The following RAB27A variants were observed in gnomAD, a reference collection of about 807,000 sequenced individuals.
RAB27A encodes RAB27A, member RAS oncogene family.
Under a neutral mutation model 20.8 loss-of-function variants are expected in RAB27A, and 17 were observed. The ratio of observed to expected loss-of-function variants is 0.82; its 90% CI spans 0.56 to 1.23. RAB27A has a LOEUF of 1.23. RAB27A is among the 50% of genes most tolerant of loss of function. The probability of loss-of-function intolerance (pLI) is 0.00; values close to 1 mark genes in which losing one functional copy is unlikely to be tolerated. For synonymous variants in RAB27A, 85 were observed against 92.8 expected (o/e 0.92, Z 0.48); for missense variants, 277 against 266.7 (o/e 1.04, Z -0.27).
Position 55,261,639 on chromosome 15 carries a change from G to A in RAB27A, c.-23+8526C>T, listed in dbSNP as rs183730294. 9.0e-5 allele frequency among the ~76,000 whole-genome samples: 13 copies of A among 144,106 alleles called. No individual in the cohort carries two copies. The East Asian group carries it at 2.7e-3, about 30-fold the overall frequency. 94.5% of individuals were successfully genotyped at this position (144,106 alleles called of 152,430 possible). On this transcript the variant is annotated intron_variant, in intron 2 of 6. Transcript: ENST00000336787. The stretch of plus-strand genomic sequence containing the variant: ...GCCCGTAGTCCCAGCTACTTGGGAG[G>A]CTAAGGTAGAAGAATAGCTTGAACC...
intron 2 of RAB27A, among the ~76,000 whole-genome samples, chr15:55,266,769 A>G (rs1170436328): frequency 6.6e-6 from 1 of 152,228 alleles, no homozygotes; most frequent in East Asian, 1.9e-4. Context: ...AAATGGCAGA[A>G]CCAAGATGTG....
intron 2 of RAB27A, among the ~76,000 whole-genome samples, chr15:55,310,052 T>G (rs1321841705): frequency 6.6e-6 from 1 of 151,994 alleles, no homozygotes; most frequent in Admixed American, 6.6e-5. Flanking sequence ...GGGTGTTCCT[T>G]CTCCTATGTT....
intron 1 of RAB27A, among the ~76,000 whole-genome samples, chr15:55,274,794 T>TATATATATA (rs1897805753): frequency 5.8e-5 from 3 of 52,172 alleles, no homozygotes; most frequent in Non-Finnish European, 1.3e-4. Flanking sequence ...AATAAATAAA[T>TATATATATA]TATATATATA....
chr15:55,240,637 G>A (rs1160768956), intron 2 of RAB27A, among the ~76,000 whole-genome samples: 1 of 152,118 alleles, frequency 6.6e-6, no homozygotes, highest in Non-Finnish European at 1.5e-5. Flanking sequence ...GTTAAAGGCA[G>A]AAACTCTACA....
At chr15:55,270,990 A>C (rs1897689183) in intron 1 of RAB27A, 1 of 152,126 alleles carries the variant, frequency 6.6e-6, no homozygotes, top group Non-Finnish European at 1.5e-5. Context: ...CCCACTTCCA[A>C]TTGGCCACCA....
At chr15:55,244,592 T>C (rs932170070) in intron 2 of RAB27A, among the ~76,000 whole-genome samples, 3 of 152,202 alleles carry the variant, frequency 2.0e-5, no homozygotes, top group Non-Finnish European at 4.4e-5. Context: ...AGGTATATTA[T>C]AAAGAATTTT....
At position 55,246,720 on chromosome 15, in the gene RAB27A, C is replaced by T. The variant is rs191634984; in HGVS notation, c.-22-11764G>A. On this transcript the variant is annotated intron_variant, in intron 2 of 6. Transcript: ENST00000336787. ...CTTAGTAATATCTCAAATAATGTGACGGCAGTCTCAGAATGGACACAGCCA... is the reference window on the plus strand; with the variant it reads ...CTTAGTAATATCTCAAATAATGTGATGGCAGTCTCAGAATGGACACAGCCA... Among the ~76,000 whole-genome samples, 38 of 151,944 alleles carry T rather than the reference C, an allele frequency of 2.5e-4. 1 individual carries two copies. The Middle Eastern group carries it at 0.014, about 54-fold the overall frequency.
chr15:55,278,007 A>C (rs2141114689), intron 1 of RAB27A, among the ~76,000 whole-genome samples: 1 of 152,252 alleles, frequency 6.6e-6, no homozygotes, highest in East Asian at 1.9e-4. Context: ...TGTTTGTATA[A>C]CTCTTGACAC....
At position 55,228,674 on chromosome 15, in the gene RAB27A, A is replaced by G. The variant is rs1291929786; in HGVS notation, c.278T>C (p.Met93Thr). The G allele has an allele frequency of 3.7e-6, 6 of 1,613,804 alleles. No individual in the cohort carries two copies. In the Admixed American group the frequency reaches 1.0e-4, roughly 27 times the overall value. ...SLTTAFFRDA[M>T]GFLLLFDLTN... Reference sequence around the variant, plus strand: ...CAGATCAAAAAGTAGAAGAAAACCCATAGCATCTCTGAAGAACGCTGTCGT... The same window carrying G: ...CAGATCAAAAAGTAGAAGAAAACCCGTAGCATCTCTGAAGAACGCTGTCGT... The change falls in exon 5 of 7, where the codon ATG becomes ACG. Residue 93 changes from methionine to threonine, a missense_variant. Coordinates refer to ENST00000336787, the MANE Select transcript of RAB27A (RefSeq NM_183235.3).
intron 4 of RAB27A, 47 bp from the exon 5 acceptor site, chr15:55,228,759 C>T: frequency 7.4e-7 from 1 of 1,345,236 alleles, no homozygotes; most frequent in Non-Finnish European, 1.1e-6. Context: ...GGCCCCACTC[C>T]TGAAATATAA....
intron 2 of RAB27A, among the ~76,000 whole-genome samples, chr15:55,253,451 G>GAA (rs34206453): frequency 9.7e-5 from 14 of 144,104 alleles, no homozygotes; most frequent in African/African-American, 1.3e-4. Flanking sequence ...CGTCTCAAAG[G>GAA]AAAAAAAAAA....
intron 6 of RAB27A, among the ~76,000 whole-genome samples, chr15:55,220,257 G>A (rs12442887): frequency 0.12 from 18,577 of 151,540 alleles, 1,396 homozygotes; most frequent in Admixed American, 0.2. Flanking sequence ...TTGTTTGTTT[G>A]TTTTTGTTTG....
intron 2 of RAB27A, among the ~76,000 whole-genome samples, chr15:55,303,142 G>GC (rs1230992028): frequency 8.0e-6 from 1 of 124,604 alleles, no homozygotes; most frequent in East Asian, 3.1e-4. Context: ...GGGGGGGTCA[G>GC]CCCCCCGCCC....
chr15:55,255,587 A>C lies in RAB27A; in HGVS notation c.-23+14578T>G, dbSNP rs180848290. Among the ~76,000 whole-genome samples, 350 of 152,266 alleles carry C rather than the reference A, an allele frequency of 2.3e-3. 4 individuals carry two copies. The highest frequency in any genetic ancestry group is 8.1e-3 in the African/African-American group (335 of 41,550). ...CCATTCCCTGCCAATTTTATTTAGA[A>C]GTGACTCAAAAAGTGTTTGGGGACT... On this transcript the variant is annotated intron_variant, in intron 2 of 6. Transcript: ENST00000336787.
intron 6 of RAB27A, among the ~76,000 whole-genome samples, chr15:55,211,934 T>A (rs970720025): frequency 1.3e-5 from 2 of 151,334 alleles, no homozygotes; most frequent in African/African-American, 4.9e-5. Flanking sequence ...GCTATTTTAT[T>A]AAATGAGTTT....
intron 2 of RAB27A, chr15:55,249,142 A>T (rs1384994352): frequency 6.6e-6 from 1 of 152,230 alleles, no homozygotes; most frequent in Non-Finnish European, 1.5e-5. Context: ...ACAGCCATCC[A>T]GCCAGTTTCT....
chr15:55,274,687 A>G (rs1020189270), intron 1 of RAB27A, among the ~76,000 whole-genome samples: 1 of 151,036 alleles, frequency 6.6e-6, no homozygotes, highest in African/African-American at 2.4e-5. Context: ...CTGAAGCAGG[A>G]GAATCACTTG....
At chr15:55,272,279 G>A (rs551605661) in intron 1 of RAB27A, among the ~76,000 whole-genome samples, 3 of 152,254 alleles carry the variant, frequency 2.0e-5, no homozygotes, top group Non-Finnish European at 4.4e-5. Context: ...GGCGCCTGTA[G>A]TCCCAGCTAC....
At chr15:55,223,345 C>A (rs1895662193) in intron 6 of RAB27A, among the ~76,000 whole-genome samples, 1 of 151,810 alleles carries the variant, frequency 6.6e-6, no homozygotes, top group Admixed American at 6.6e-5. Flanking sequence ...CCCATCTCTA[C>A]TAAAAATACA....
Sources: allele counts gnomAD v4.1 joint callset (sites outside exome capture counted in the v4.1 genomes callset), GRCh38; gene constraint gnomAD v4.1.1; transcripts MANE v1.5; gene names NCBI Gene and HGNC (gene_info 2026-07-23, HGNC 2026-07-21).